Variants in AUTS2 observed in about 807,000 individuals in gnomAD.
AUTS2 encodes the protein autism susceptibility gene 2 protein.
AUTS2 carries 17 observed loss-of-function variants against 112.4 expected under a neutral mutation model. The observed-to-expected ratio is 0.15, with a 90% confidence interval of 0.10 to 0.23. AUTS2 has a LOEUF of 0.23. AUTS2 is among the 10% of genes least tolerant of loss of function. AUTS2 has a pLI of 1.00. For synonymous variants in AUTS2, 751 were observed against 702.7 expected (o/e 1.07, Z -1.09); for missense variants, 1,510 against 1,701.6 (o/e 0.89, Z 1.98).
intron 4 of AUTS2, among the ~76,000 whole-genome samples, chr7:70,390,171 A>G (rs1793789958): frequency 6.6e-6 from 1 of 152,228 alleles, no homozygotes. Context: ...TGAATTACGC[A>G]TTGATAGAAG....
At chr7:70,775,495 C>T in intron 13 of AUTS2, 109 bp downstream of exon 13, 2 of 888,468 alleles carry the variant, frequency 2.3e-6, no homozygotes, top group Middle Eastern at 2.3e-4. Flanking sequence ...TGGAATAAGA[C>T]ATTGGAATGA....
intron 6 of AUTS2, among the ~76,000 whole-genome samples, chr7:70,759,882 A>C (rs1178691648): frequency 6.6e-6 from 1 of 152,172 alleles, no homozygotes; most frequent in Non-Finnish European, 1.5e-5. Context: ...GATATACTCC[A>C]AGTGGTGTCC....
chr7:70,536,765 T>A (rs901423555), intron 5 of AUTS2, among the ~76,000 whole-genome samples: 7 of 151,948 alleles, frequency 4.6e-5, no homozygotes, highest in Non-Finnish European at 7.4e-5. Context: ...CCGGGCGAGT[T>A]GGCGCATGCT....
chr7:70,087,231 T>G (rs1255115021), intron 2 of AUTS2, among the ~76,000 whole-genome samples: 1 of 151,628 alleles, frequency 6.6e-6, no homozygotes, highest in East Asian at 1.9e-4. Flanking sequence ...AATACTCATT[T>G]TTTTATTTTT....
chr7:70,051,091 T>A (rs1013971662), intron 2 of AUTS2, among the ~76,000 whole-genome samples: 32 of 152,226 alleles, frequency 2.1e-4, no homozygotes, highest in Non-Finnish European at 3.1e-4. Context: ...ACAGCTCACT[T>A]TGAAGAGCTG....
At chr7:69,785,867 G>A (rs1160280826) in intron 1 of AUTS2, among the ~76,000 whole-genome samples, 1 of 152,096 alleles carries the variant, frequency 6.6e-6, no homozygotes, top group African/African-American at 2.4e-5. Context: ...TTTTACTCTT[G>A]TTGCCCAGGC....
intron 5 of AUTS2, among the ~76,000 whole-genome samples, chr7:70,620,056 C>T (rs899661388): frequency 6.6e-6 from 1 of 152,146 alleles, no homozygotes; most frequent in Non-Finnish European, 1.5e-5. Context: ...AGATTCCCAC[C>T]GAGCCCATGG....
chr7:70,603,049 T>C (rs1803555090), intron 5 of AUTS2, among the ~76,000 whole-genome samples: 1 of 152,212 alleles, frequency 6.6e-6, no homozygotes, highest in African/African-American at 2.4e-5. Context: ...TTAGGTATTT[T>C]TTTCCTTAAA....
chr7:69,728,534 C>G (rs1003899513), intron 1 of AUTS2, among the ~76,000 whole-genome samples: 5 of 152,130 alleles, frequency 3.3e-5, no homozygotes, highest in African/African-American at 1.2e-4. Context: ...ATTGAGTCAT[C>G]CATTCTTCCC....
intron 10 of AUTS2, chr7:70,771,246 T>A (rs1790316717): frequency 5.1e-6 from 1 of 197,228 alleles, no homozygotes; most frequent in Non-Finnish European, 1.0e-5. Context: ...TGCATTAAAA[T>A]CTCCAATCAT....
chr7:70,522,813 G>T (rs946695425), intron 5 of AUTS2, among the ~76,000 whole-genome samples: 1 of 152,136 alleles, frequency 6.6e-6, no homozygotes, highest in Non-Finnish European at 1.5e-5. Flanking sequence ...TCCTTTGAGC[G>T]TATGCCCAGT....
intron 4 of AUTS2, among the ~76,000 whole-genome samples, chr7:70,420,943 CA>C (rs1209478941): frequency 4.6e-5 from 7 of 151,968 alleles, no homozygotes; most frequent in African/African-American, 1.2e-4. Flanking sequence ...AATAAAGCCA[CA>C]AAAAAATAGT....
chr7:69,805,708 T>G (rs1456378593), intron 1 of AUTS2, among the ~76,000 whole-genome samples: 1 of 152,148 alleles, frequency 6.6e-6, no homozygotes, highest in Non-Finnish European at 1.5e-5. Context: ...AAGGAAGGCT[T>G]TCTTCCTGAG....
At chr7:70,767,118 C>G (rs901177661) in intron 9 of AUTS2, among the ~76,000 whole-genome samples, 1 of 152,022 alleles carries the variant, frequency 6.6e-6, no homozygotes, top group African/African-American at 2.4e-5. Flanking sequence ...TCATTTTTTA[C>G]TTATTTAATT....
At chr7:69,697,322 T>C (rs1281603514) in intron 1 of AUTS2, among the ~76,000 whole-genome samples, 1 of 152,234 alleles carries the variant, frequency 6.6e-6, no homozygotes, top group East Asian at 1.9e-4. Flanking sequence ...TTGCCTCTTC[T>C]AAGTAGACAT....
intron 6 of AUTS2, among the ~76,000 whole-genome samples, chr7:70,711,616 G>A (rs1810054593): frequency 1.3e-5 from 2 of 152,202 alleles, no homozygotes; most frequent in Non-Finnish European, 2.9e-5. Flanking sequence ...TCATGTCAGA[G>A]CAAATCTTTG....
At chr7:70,379,774 G>A (rs1014507228) in intron 4 of AUTS2, among the ~76,000 whole-genome samples, 2 of 152,162 alleles carry the variant, frequency 1.3e-5, no homozygotes, top group Admixed American at 1.3e-4. Flanking sequence ...TTCAGACTTG[G>A]TCTATTATGA....
intron 1 of AUTS2, among the ~76,000 whole-genome samples, chr7:69,727,070 CCTCA>C (rs1441090565): frequency 2.6e-5 from 4 of 152,072 alleles, no homozygotes; most frequent in Non-Finnish European, 1.5e-5. Context: ...TCTTTTGTAT[CCTCA>C]CTAAGAAATC....
chr7:69,846,410 G>A (rs1002203179), intron 1 of AUTS2, among the ~76,000 whole-genome samples: 2 of 152,134 alleles, frequency 1.3e-5, no homozygotes, highest in Non-Finnish European at 2.9e-5. Context: ...CTTGTCATGT[G>A]CTTCCTTTAC....
Sources: allele counts gnomAD v4.1 joint callset (sites outside exome capture counted in the v4.1 genomes callset), GRCh38; gene constraint gnomAD v4.1.1; transcripts MANE v1.5; gene names NCBI Gene and HGNC (gene_info 2026-07-23, HGNC 2026-07-21).